Variants in WWC1 observed in about 807,000 individuals in gnomAD.
WWC1 encodes WW and C2 domain containing 1.
A neutral mutation model predicts 138.4 loss-of-function variants in WWC1; 55 were observed. The ratio of observed to expected loss-of-function variants is 0.40; its 90% CI spans 0.32 to 0.50. The LOEUF is 0.50. WWC1 is among the 20% of genes least tolerant of loss of function. WWC1 has a pLI of 0.72. For missense variants in WWC1, 1,226 were observed against 1,420.4 expected (o/e 0.86, Z 2.20); for synonymous variants, 524 against 564.9 (o/e 0.93, Z 1.03).
At chr5:168,419,738 T>A (rs533074961) in intron 9 of WWC1, among the ~76,000 whole-genome samples, 1 of 152,140 alleles carries the variant, frequency 6.6e-6, no homozygotes, top group Non-Finnish European at 1.5e-5. Context: ...GCTTGCTCGA[T>A]AGGGCCCTTT....
chr5:168,392,726 T>C (rs1431880314), intron 3 of WWC1, among the ~76,000 whole-genome samples: 7 of 151,922 alleles, frequency 4.6e-5, no homozygotes, highest in African/African-American at 1.5e-4. Context: ...AGAAAACAAA[T>C]AACGTACTGT....
At chr5:168,409,023 C>A (rs1780024242) in intron 7 of WWC1, among the ~76,000 whole-genome samples, 1 of 152,100 alleles carries the variant, frequency 6.6e-6, no homozygotes, top group Non-Finnish European at 1.5e-5. Flanking sequence ...CCCAGCTGGA[C>A]AGCAGAGGAT....
At position 168,428,727 on chromosome 5, in the gene WWC1, C is replaced by T; in HGVS notation, c.1940C>T (p.Ala647Val). The T allele has an allele frequency of 1.2e-6, 2 of 1,613,990 alleles. No homozygotes were observed. Among genetic ancestry groups the T allele is most frequent in the Non-Finnish European group, 1.7e-6 (2 of 1,179,934 alleles). Residue 647 changes from alanine (A) to valine (V), a missense_variant, in exon 13 of 23, where the codon GCT becomes GTT. Physicochemically the swap from Ala to Val is moderately conservative, Grantham distance 64. Around this residue, in one of 3 missense-constraint regions of WWC1, gnomAD observed 1,016 missense variants for 1,153.9 expected, o/e 0.88. Transcript: ENST00000265293. ...SVQRLGASEA[A>V]AFDSDESEAV... ...TTCAGACTGGGTGCTTCAGAAGCTG[C>T]TGCATTTGACAGTGACGAATCGGAA...
At chr5:168,424,565 T>G (rs1004268276) in intron 11 of WWC1, among the ~76,000 whole-genome samples, 7 of 152,138 alleles carry the variant, frequency 4.6e-5, no homozygotes, top group African/African-American at 1.7e-4. Flanking sequence ...CAGGGCAGGT[T>G]GGGTTGTGAA....
chr5:168,301,256 ACACGATT>A (rs1388138290), intron 1 of WWC1, among the ~76,000 whole-genome samples: 1 of 152,232 alleles, frequency 6.6e-6, no homozygotes, highest in Non-Finnish European at 1.5e-5. Context: ...ATTGCATACC[ACACGATT>A]CACGATTCCC....
At chr5:168,434,414 T>A (rs1782191229) in intron 15 of WWC1, among the ~76,000 whole-genome samples, 1 of 152,172 alleles carries the variant, frequency 6.6e-6, no homozygotes, top group African/African-American at 2.4e-5. Context: ...GCAGGATGTG[T>A]GGAATCCCCA....
chr5:168,423,798 G>A lies in WWC1; in HGVS notation c.1540G>A (p.Gly514Arg). 2 of 1,614,146 alleles carry A rather than the reference G, an allele frequency of 1.2e-6. No homozygotes were observed. Among genetic ancestry groups the A allele is most frequent in the Non-Finnish European group, 1.7e-6 (2 of 1,180,026 alleles). ...DEVAKTQKAE[G>R]GGRLQALRSL... Reference sequence around the variant, plus strand: ...GGTGGCCAAGACCCAGAAGGCAGAGGGAGGTGGCCGCCTGCAGGCTCTGCG... The same window carrying A: ...GGTGGCCAAGACCCAGAAGGCAGAGAGAGGTGGCCGCCTGCAGGCTCTGCG... The change falls in exon 11 of 23, where the codon GGA becomes AGA. Residue 514 changes from glycine (G) to arginine (R), a missense_variant. Transcript: ENST00000265293.
intron 15 of WWC1, among the ~76,000 whole-genome samples, chr5:168,438,984 T>C (rs6888137): frequency 0.67 from 101,693 of 151,862 alleles, 36,373 homozygotes; most frequent in East Asian, 0.99. Flanking sequence ...AGCCTCACCA[T>C]CTATCCTATA....
At chr5:168,440,492 TTTGTTG>T (rs140204253) in intron 15 of WWC1, among the ~76,000 whole-genome samples, 6 of 151,624 alleles carry the variant, frequency 4.0e-5, no homozygotes, top group Non-Finnish European at 7.4e-5. Flanking sequence ...AAAGCAGGGT[TTTGTTG>T]TTGTTGTTGT....
chr5:168,431,527 G>T (rs1412541426), intron 15 of WWC1, 83 bp downstream of exon 15: 1 of 1,471,736 alleles, frequency 6.8e-7, no homozygotes, highest in East Asian at 2.3e-5. Flanking sequence ...TGTTTATGGG[G>T]ATTGGTCTAC....
intron 11 of WWC1, among the ~76,000 whole-genome samples, chr5:168,426,720 G>T (rs901978462): frequency 2.0e-5 from 3 of 152,204 alleles, no homozygotes; most frequent in Non-Finnish European, 4.4e-5. Context: ...TCCCAGACCC[G>T]CCTTGTCACC....
chr5:168,340,115 G>A (rs1428051146), intron 1 of WWC1, among the ~76,000 whole-genome samples: 4 of 143,594 alleles, frequency 2.8e-5, no homozygotes, highest in East Asian at 2.0e-4. Context: ...TCGCTCTGTC[G>A]CCTAGGCTGG....
At chr5:168,305,441 C>T (rs1770469373) in intron 1 of WWC1, among the ~76,000 whole-genome samples, 1 of 152,178 alleles carries the variant, frequency 6.6e-6, no homozygotes, top group Non-Finnish European at 1.5e-5. Context: ...TCCATAGCAT[C>T]CTGTGCCGTA....
At position 168,292,405 on chromosome 5, in the gene WWC1, C is replaced by G; in HGVS notation, c.119+134C>G. On this transcript the variant is annotated intron_variant, in intron 1 of 22. Coordinates refer to ENST00000265293, the MANE Select transcript of WWC1 (RefSeq NM_015238.3). The surrounding 1 kb of genome is among the most constrained non-coding windows in gnomAD (Gnocchi z 4.4). ...TCTTGAGCTCTCTTCAGTTCGCCAC[C>G]CCCTGCTCCCCCCAACCTTCTGGAG... is the stretch of plus-strand genomic sequence containing the variant. 2 of 1,009,970 alleles carry G rather than the reference C, an allele frequency of 2.0e-6. No homozygotes were observed. The highest frequency in any genetic ancestry group is 1.4e-6 in the Non-Finnish European group (1 of 707,270). 62.6% of individuals were successfully genotyped at this position (1,009,970 alleles called of 1,614,324 possible).
chr5:168,449,452 G>T (rs1047273176), intron 17 of WWC1, among the ~76,000 whole-genome samples: 1 of 152,002 alleles, frequency 6.6e-6, no homozygotes, highest in Admixed American at 6.6e-5. Context: ...GAGCACTGTT[G>T]TGAGGTGTAG....
intron 4 of WWC1, among the ~76,000 whole-genome samples, chr5:168,398,167 G>A (rs1396358943): frequency 2.0e-5 from 3 of 151,966 alleles, no homozygotes; most frequent in Admixed American, 6.6e-5. Flanking sequence ...GCAGTGGCAC[G>A]ATCTGCGCTC....
chr5:168,440,231 A>G (rs552611021), intron 15 of WWC1, among the ~76,000 whole-genome samples: 1 of 152,374 alleles, frequency 6.6e-6, no homozygotes, highest in Non-Finnish European at 1.5e-5. Context: ...TATCAGAGCA[A>G]TGCAAATCAA....
chr5:168,323,955 A>G (rs971022412), intron 1 of WWC1, among the ~76,000 whole-genome samples: 1 of 152,232 alleles, frequency 6.6e-6, no homozygotes, highest in Non-Finnish European at 1.5e-5. Context: ...ATCAGAGACG[A>G]TACAAACCAA....
chr5:168,305,175 C>G (rs1336710704), intron 1 of WWC1, among the ~76,000 whole-genome samples: 1 of 150,064 alleles, frequency 6.7e-6, no homozygotes, highest in Non-Finnish European at 1.5e-5. Flanking sequence ...GCCATGTTGG[C>G]CAGTCTGGTC....
Sources: allele counts gnomAD v4.1 joint callset (sites outside exome capture counted in the v4.1 genomes callset), GRCh38; gene constraint gnomAD v4.1.1; regional missense constraint gnomAD v4.1.1; non-coding constraint Gnocchi (gnomAD v3.1); transcripts MANE v1.5; gene names NCBI Gene and HGNC (gene_info 2026-07-23, HGNC 2026-07-21).